Variants in SLC9A9 observed in about 807,000 individuals in gnomAD.
The protein encoded by SLC9A9 is sodium/hydrogen exchanger 9.
In SLC9A9, 62 loss-of-function variants were observed where a neutral mutation model predicts 77.8. The observed-to-expected ratio is 0.80, with a 90% confidence interval of 0.65 to 0.98. SLC9A9 has a LOEUF of 0.98. Ranked by LOEUF, SLC9A9 falls within the 50% of genes least tolerant of loss-of-function variation. The probability of loss-of-function intolerance (pLI) is 0.00; values close to 1 mark genes in which losing one functional copy is unlikely to be tolerated. For missense variants in SLC9A9, 775 were observed against 774.9 expected, an observed-to-expected ratio of 1.00 and a Z score of 0.00; for synonymous variants, 320 against 283.5, an observed-to-expected ratio of 1.13 and a Z score of -1.29.
chr3:143,331,364 TC>T (rs370605453), intron 14 of SLC9A9, among the ~76,000 whole-genome samples: 77 of 152,286 alleles, frequency 5.1e-4, no homozygotes, highest in Non-Finnish European at 5.7e-4. Flanking sequence ...CCTTAAAGTA[TC>T]CTGTGTAATA....
chr3:143,309,632 G>A (rs527770764), intron 14 of SLC9A9, among the ~76,000 whole-genome samples: 4 of 152,104 alleles, frequency 2.6e-5, no homozygotes, highest in Admixed American at 6.5e-5. Flanking sequence ...GGGTGAATTC[G>A]CAGATGTTCC....
At chr3:143,808,856 C>A in intron 2 of SLC9A9, among the ~76,000 whole-genome samples, 1 of 151,960 alleles carries the variant, frequency 6.6e-6, no homozygotes, top group East Asian at 1.9e-4. Context: ...TGCCTGACAT[C>A]TAGTAAGCAC....
At chr3:143,486,644 T>C (rs2035656707) in intron 11 of SLC9A9, among the ~76,000 whole-genome samples, 1 of 151,844 alleles carries the variant, frequency 6.6e-6, no homozygotes, top group South Asian at 2.1e-4. Context: ...CCAAAAGGGG[T>C]GGGGACAGAG....
chr3:143,425,961 G>A (rs2034397362), intron 12 of SLC9A9, among the ~76,000 whole-genome samples: 1 of 139,508 alleles, frequency 7.2e-6, no homozygotes, highest in African/African-American at 2.7e-5. Context: ...CCACACTAAA[G>A]AGCCACAATG....
chr3:143,761,180 CA>C (rs1363474622), intron 4 of SLC9A9, among the ~76,000 whole-genome samples: 2 of 152,140 alleles, frequency 1.3e-5, no homozygotes, highest in African/African-American at 4.8e-5. Context: ...ACACCTTATA[CA>C]AAAATTAATT....
chr3:143,726,251 G>GAAAAAAAAAAA (rs3055626), intron 4 of SLC9A9, among the ~76,000 whole-genome samples: 6 of 136,896 alleles, frequency 4.4e-5, no homozygotes, highest in African/African-American at 1.4e-4. Context: ...AATAAAAAAA[G>GAAAAAAAAAAA]AAAAAAAAAA....
At chr3:143,470,480 CA>C (rs11312589) in intron 11 of SLC9A9, among the ~76,000 whole-genome samples, 23,551 of 135,760 alleles carry the variant, frequency 0.17, 2,930 homozygotes, top group African/African-American at 0.37. Flanking sequence ...AATTCTGGCT[CA>C]AAAAAAAAAA....
chr3:143,770,371 C>T (rs1274931457), intron 4 of SLC9A9, among the ~76,000 whole-genome samples: 17 of 152,118 alleles, frequency 1.1e-4, no homozygotes, highest in Non-Finnish European at 1.5e-5. Flanking sequence ...TAGAATATAA[C>T]TTTCACTAAT....
intron 12 of SLC9A9, among the ~76,000 whole-genome samples, chr3:143,401,083 A>T (rs991311948): frequency 3.9e-5 from 6 of 152,214 alleles, no homozygotes; most frequent in African/African-American, 1.4e-4. Flanking sequence ...AGACCAATGC[A>T]GATGGCATCA....
intron 9 of SLC9A9, among the ~76,000 whole-genome samples, chr3:143,496,602 C>T (rs2035838272): frequency 6.6e-6 from 1 of 152,202 alleles, no homozygotes; most frequent in Admixed American, 6.5e-5. Flanking sequence ...GTTTTCTCTG[C>T]AGGGGCAGCC....
intron 1 of SLC9A9, among the ~76,000 whole-genome samples, chr3:143,845,500 G>C (rs1228889415): frequency 1.3e-5 from 2 of 152,186 alleles, no homozygotes; most frequent in Non-Finnish European, 2.9e-5. Flanking sequence ...CACCCATATG[G>C]AGTACTTTCA....
intron 11 of SLC9A9, among the ~76,000 whole-genome samples, chr3:143,488,552 A>T (rs1195955807): frequency 6.6e-6 from 1 of 152,026 alleles, no homozygotes; most frequent in Non-Finnish European, 1.5e-5. Flanking sequence ...ATACACCATG[A>T]CCAAGTGAGA....
rs112462027 is a variant in SLC9A9, at chr3:143,396,362, C to T, written c.1470-14248G>A. 2.9e-3 allele frequency among the ~76,000 whole-genome samples: 436 copies of T among 152,198 alleles called. 1 individual carries two copies. The highest frequency in any genetic ancestry group is 9.4e-3 in the African/African-American group (391 of 41,530). ...ATCGCAAGGATAAAAAACCAAACAC[C>T]GCATGTTCTCACTCATAGGTGGGAA... On this transcript the variant is annotated intron_variant, in intron 12 of 15. Transcript: ENST00000316549.
intron 4 of SLC9A9, among the ~76,000 whole-genome samples, chr3:143,702,856 T>C (rs750257434): frequency 6.6e-6 from 1 of 151,790 alleles, no homozygotes; most frequent in Non-Finnish European, 1.5e-5. Context: ...AAAGTACACA[T>C]AGACTGAAAA....
At position 143,516,604 on chromosome 3, in the gene SLC9A9, A is replaced by T. The variant is rs533620508; in HGVS notation, c.1090-21156T>A. ...ATTAATTACAATCAAGCAAATACAT[A>T]AATCTGCTTTTAAAAATTAGAGCAT... On this transcript the variant is annotated intron_variant, in intron 9 of 15. Transcript: ENST00000316549. Among the ~76,000 whole-genome samples, 26 of 152,316 alleles carry T rather than the reference A, an allele frequency of 1.7e-4. No individual in the cohort carries two copies. The East Asian group carries it at 3.7e-3, about 21-fold the overall frequency.
intron 12 of SLC9A9, among the ~76,000 whole-genome samples, chr3:143,434,958 TG>T (rs2108539567): frequency 6.6e-6 from 1 of 152,284 alleles, no homozygotes; most frequent in South Asian, 2.1e-4. Context: ...ACCTATTCCC[TG>T]GTTGCCCAAA....
chr3:143,482,171 A>C (rs1043127381), intron 11 of SLC9A9, among the ~76,000 whole-genome samples: 1 of 152,156 alleles, frequency 6.6e-6, no homozygotes, highest in African/African-American at 2.4e-5. Context: ...CTGAGAGGGG[A>C]AAAAATACAT....
At chr3:143,508,487 A>G (rs2036064909) in intron 9 of SLC9A9, among the ~76,000 whole-genome samples, 1 of 152,218 alleles carries the variant, frequency 6.6e-6, no homozygotes, top group South Asian at 2.1e-4. Flanking sequence ...CTGAAATAAC[A>G]CTTAGTTTCA....
At chr3:143,829,435 G>A (rs2009380569) in intron 2 of SLC9A9, among the ~76,000 whole-genome samples, 1 of 152,004 alleles carries the variant, frequency 6.6e-6, no homozygotes, top group African/African-American at 2.4e-5. Flanking sequence ...CTGCCCTGAT[G>A]GCCATTCTGA....
Sources: allele counts gnomAD v4.1 joint callset (sites outside exome capture counted in the v4.1 genomes callset), GRCh38; gene constraint gnomAD v4.1.1; transcripts MANE v1.5; gene names NCBI Gene and HGNC (gene_info 2026-07-23, HGNC 2026-07-21).